Variants in PRPF3 observed in about 807,000 individuals in gnomAD.
The protein encoded by PRPF3 is pre-mRNA processing factor 3, also known as U4/U6 small nuclear ribonucleoprotein Prp3.
PRPF3 carries 3 observed loss-of-function variants against 89.2 expected under a neutral mutation model. The ratio of observed to expected loss-of-function variants is 0.03; its 90% CI spans 0.02 to 0.09. The LOEUF is 0.09. Among genes scored for constraint, PRPF3 ranks in the 10% least tolerant of loss-of-function variants. The probability of loss-of-function intolerance (pLI) is 1.00; values close to 1 mark genes in which losing one functional copy is unlikely to be tolerated. For missense variants in PRPF3, 463 were observed against 828.8 expected (o/e 0.56, Z 5.42); for synonymous variants, 270 against 289.1 (o/e 0.93, Z 0.67).
chr1:150,332,674 T>C lies in PRPF3; in HGVS notation c.424-10T>C, dbSNP rs1553865934. The C allele has an allele frequency of 2.5e-6, 4 of 1,614,028 alleles. No homozygotes were observed. The highest frequency in any genetic ancestry group is 3.4e-6 in the Non-Finnish European group (4 of 1,179,918). On this transcript the variant is annotated splice_polypyrimidine_tract_variant and intron_variant, in intron 4 of 15. Transcript: ENST00000324862. ...ATTAACAGTTTTTCAATTTTTTTCCTGGAGAGCAGATCAAACAGATGATGG... is the reference window on the plus strand; with the variant it reads ...ATTAACAGTTTTTCAATTTTTTTCCCGGAGAGCAGATCAAACAGATGATGG...
At chr1:150,344,711 G>A (rs587656248) in intron 12 of PRPF3, among the ~76,000 whole-genome samples, 164 bp downstream of exon 12, 180 of 151,900 alleles carry the variant, frequency 1.2e-3, no homozygotes, top group African/African-American at 4.3e-3. Flanking sequence ...GTAAAATAGC[G>A]AGAGTTAATG....
intron 1 of PRPF3, among the ~76,000 whole-genome samples, chr1:150,323,172 G>GTTTT (rs1553862651): frequency 3.7e-5 from 1 of 26,968 alleles, no homozygotes; most frequent in African/African-American, 1.2e-4. Flanking sequence ...ACCGCACCTG[G>GTTTT]CTTTTTTTTT....
Position 150,346,297 on chromosome 1 carries a change from G to A in PRPF3, c.1760-111G>A. On this transcript the variant is annotated intron_variant, in intron 13 of 15. Coordinates refer to ENST00000324862, the MANE Select transcript of PRPF3 (RefSeq NM_004698.4). ...TGTTTTTTGGAGTAGAAGGCCCTAA[G>A]ATGTGGTTCCTGAGATTGCTTCAAC... The A allele has an allele frequency of 3.9e-6, 5 of 1,287,402 alleles. No individual in the cohort carries two copies. In the Admixed American group the frequency reaches 8.6e-5, roughly 22 times the overall value. 79.7% of individuals were successfully genotyped at this position (1,287,402 alleles called of 1,614,324 possible).
chr1:150,351,368 TAAAAAA>T (rs142666943), intron 15 of PRPF3, among the ~76,000 whole-genome samples: 25 of 151,210 alleles, frequency 1.7e-4, no homozygotes, highest in African/African-American at 6.1e-4. Context: ...AAATAAAAAT[TAAAAAA>T]AAAGGTTTTC....
chr1:150,333,540 CAG>C (rs2101973183), intron 6 of PRPF3, among the ~76,000 whole-genome samples: 1 of 152,250 alleles, frequency 6.6e-6, no homozygotes, highest in African/African-American at 2.4e-5. Context: ...GCGTGGGTGA[CAG>C]AGGGAGACTC....
intron 14 of PRPF3, among the ~76,000 whole-genome samples, chr1:150,348,459 C>CTTTTTTTTTTTTTTT (rs1553873583): frequency 5.5e-4 from 19 of 34,828 alleles, no homozygotes; most frequent in Admixed American, 9.5e-4. Context: ...TCTACACGTG[C>CTTTTTTTTTTTTTTT]ATTTTTTTTT....
chr1:150,342,910 C>T (rs1657918954), intron 9 of PRPF3, among the ~76,000 whole-genome samples: 1 of 152,316 alleles, frequency 6.6e-6, no homozygotes, highest in Non-Finnish European at 1.5e-5. Context: ...CTCACGCCAT[C>T]CTCCCACCTT....
chr1:150,349,481 C>T (rs915896772), intron 15 of PRPF3, among the ~76,000 whole-genome samples: 1 of 151,982 alleles, frequency 6.6e-6, no homozygotes, highest in African/African-American at 2.4e-5. Context: ...AATTCTCTAC[C>T]GAAAATTATT....
chr1:150,347,865 T>C (rs1444508192), intron 14 of PRPF3, among the ~76,000 whole-genome samples: 1 of 152,190 alleles, frequency 6.6e-6, no homozygotes, highest in African/African-American at 2.4e-5. Context: ...TTTTATCTCA[T>C]GTAAGAGTAT....
intron 3 of PRPF3, chr1:150,327,903 A>T (rs1413902173): frequency 4.7e-6 from 1 of 212,124 alleles, no homozygotes; most frequent in Admixed American, 5.3e-5. Flanking sequence ...ATTTAACCTA[A>T]TATGAACCAA....
intron 9 of PRPF3, among the ~76,000 whole-genome samples, chr1:150,341,400 AT>A (rs1169772517): frequency 9.3e-4 from 95 of 101,872 alleles, no homozygotes; most frequent in African/African-American, 2.1e-3. Context: ...AGTTGCTTCT[AT>A]TTTTTTTTTT....
Position 150,322,017 on chromosome 1 carries a change from C to G in PRPF3, c.-49+425C>G, listed in dbSNP as rs782511525. 3.2e-4 allele frequency among the ~76,000 whole-genome samples: 49 copies of G among 152,212 alleles called. No homozygotes were observed. In the Middle Eastern group the frequency reaches 0.014, roughly 42 times the overall value. On this transcript the variant is annotated intron_variant, in intron 1 of 15. Transcript: ENST00000324862. ...GAGATCATTGTACCTCGCTTTCCTT[C>G]CGCACCCCCACTACCCCCGCACCTC...
chr1:150,346,998 G>T (rs974172339), intron 14 of PRPF3, among the ~76,000 whole-genome samples: 6 of 152,088 alleles, frequency 3.9e-5, no homozygotes, highest in Non-Finnish European at 7.4e-5. Flanking sequence ...AGCTGAGGTG[G>T]GAGGATCACT....
intron 12 of PRPF3, among the ~76,000 whole-genome samples, chr1:150,344,886 C>A (rs1373529511): frequency 6.9e-6 from 1 of 145,870 alleles, no homozygotes; most frequent in African/African-American, 2.5e-5. Context: ...TTTTTTTTTT[C>A]ATCTTTTTTT....
At chr1:150,338,650 G>T (rs1553869015) in intron 8 of PRPF3, among the ~76,000 whole-genome samples, 1 of 152,076 alleles carries the variant, frequency 6.6e-6, no homozygotes, top group Non-Finnish European at 1.5e-5. Context: ...AAGTAGCTGG[G>T]ACTACAGGTG....
At chr1:150,323,300 A>G (rs1207356179) in intron 1 of PRPF3, among the ~76,000 whole-genome samples, 3 of 144,990 alleles carry the variant, frequency 2.1e-5, no homozygotes, top group African/African-American at 7.6e-5. Context: ...CCTCTGCCTC[A>G]TAAGTAGCTG....
intron 15 of PRPF3, among the ~76,000 whole-genome samples, chr1:150,349,871 A>C (rs1473078224): frequency 4.3e-5 from 2 of 46,124 alleles, no homozygotes; most frequent in Non-Finnish European, 9.2e-5. Flanking sequence ...TAGTACATGT[A>C]TATCTTTTTT....
chr1:150,343,500 G>A (rs782653600), intron 10 of PRPF3, 48 bp downstream of exon 10: 25 of 1,603,444 alleles, frequency 1.6e-5, no homozygotes, highest in Non-Finnish European at 1.9e-5. Flanking sequence ...GCAAGTTTAT[G>A]TCTTTAATCC....
chr1:150,328,849 G>A (rs940828255), intron 4 of PRPF3, among the ~76,000 whole-genome samples: 3 of 151,706 alleles, frequency 2.0e-5, no homozygotes, highest in Non-Finnish European at 4.4e-5. Flanking sequence ...CACTGCGCCC[G>A]GCTAATTTTT....
Sources: gnomAD v4.1 joint callset for allele counts (sites outside exome capture counted in the v4.1 genomes callset) on GRCh38, gnomAD v4.1.1 for gene constraint, MANE v1.5 for transcripts, NCBI Gene and HGNC (gene_info 2026-07-23, HGNC 2026-07-21) for gene names.